The following MTCL2 variants were observed in gnomAD, a reference collection of about 807,000 sequenced individuals.
MTCL2 encodes the protein microtubule crosslinking factor 2.
chr20:36,815,315 G>A, the MTCL2 span: 53 of 1,613,786 alleles, frequency 3.3e-5, no homozygotes, highest in Non-Finnish European at 4.1e-5. The surrounding 1 kb of genome is among the most constrained non-coding windows in gnomAD (Gnocchi z 5.3). Flanking sequence ...TGGCATGGAT[G>A]AGCTTGGTGT....
chr20:36,839,193 A>G, the MTCL2 span: 3 of 1,574,310 alleles, frequency 1.9e-6, no homozygotes, highest in Non-Finnish European at 2.6e-6. The surrounding 1 kb of genome is among the most constrained non-coding windows in gnomAD (Gnocchi z 5.1). Context: ...TCCCAGCAAC[A>G]AGGGCACCCG....
chr20:36,846,116 G>T, the MTCL2 span, among the ~76,000 whole-genome samples: 2 of 151,828 alleles, frequency 1.3e-5, no homozygotes, highest in South Asian at 4.1e-4. Context: ...TGAGGCAAGA[G>T]AATTGCTTGA....
At chr20:36,815,784 A>G in the MTCL2 span, 1 of 1,591,792 alleles carries the variant, frequency 6.3e-7, no homozygotes, top group Middle Eastern at 1.7e-4. This position sits in a 1 kb window ranked among gnomAD's most constrained non-coding sequence, Gnocchi z 5.3. Context: ...CGCCACGTCC[A>G]GCTCGTGCTC....
the MTCL2 span, among the ~76,000 whole-genome samples, chr20:36,840,739 G>A: frequency 1.4e-4 from 22 of 151,790 alleles, no homozygotes; most frequent in Non-Finnish European, 2.2e-4. Flanking sequence ...CCAGCTACTC[G>A]GGAGGCTGAG....
At chr20:36,857,880 G>A in the MTCL2 span, among the ~76,000 whole-genome samples, 1 of 152,286 alleles carries the variant, frequency 6.6e-6, no homozygotes, top group East Asian at 1.9e-4. Context: ...CACTCCATCT[G>A]CGTCCTCACA....
the MTCL2 span, among the ~76,000 whole-genome samples, chr20:36,852,582 T>C: frequency 6.6e-6 from 1 of 151,978 alleles, no homozygotes; most frequent in Non-Finnish European, 1.5e-5. Flanking sequence ...AAAGACTCAA[T>C]CCCTTCATAC....
the MTCL2 span, among the ~76,000 whole-genome samples, chr20:36,816,977 A>T: frequency 1.3e-5 from 2 of 152,102 alleles, no homozygotes; most frequent in Non-Finnish European, 2.9e-5. Flanking sequence ...TAAGAAAATG[A>T]GCAAGGGGGC....
At chr20:36,805,951 T>C in the MTCL2 span, 10 of 1,596,724 alleles carry the variant, frequency 6.3e-6, no homozygotes, top group South Asian at 9.1e-5. Context: ...TCCTTCATGC[T>C]GTTCACCTGT....
the MTCL2 span, among the ~76,000 whole-genome samples, chr20:36,824,864 G>A: frequency 1.3e-5 from 2 of 151,862 alleles, no homozygotes; most frequent in Non-Finnish European, 2.9e-5. Context: ...ATATTGCCCA[G>A]GCTGGTCTCA....
the MTCL2 span, among the ~76,000 whole-genome samples, chr20:36,825,232 T>C: frequency 6.6e-6 from 1 of 152,208 alleles, no homozygotes; most frequent in Non-Finnish European, 1.5e-5. Context: ...TGTGAGCCAC[T>C]GTGCCCAGCC....
chr20:36,801,237 G>A, the MTCL2 span, among the ~76,000 whole-genome samples: 6 of 152,080 alleles, frequency 3.9e-5, no homozygotes, highest in East Asian at 9.7e-4. Flanking sequence ...TGAAAAACTG[G>A]AAACAATCTA....
chr20:36,819,935 C>A, the MTCL2 span, among the ~76,000 whole-genome samples: 2 of 152,100 alleles, frequency 1.3e-5, no homozygotes, highest in Admixed American at 1.3e-4. Context: ...GGCTATGGGT[C>A]AGAAAACGAG....
the MTCL2 span, among the ~76,000 whole-genome samples, chr20:36,846,837 T>C: frequency 2.0e-5 from 3 of 152,126 alleles, no homozygotes; most frequent in Non-Finnish European, 4.4e-5. Context: ...TGAAACCCCA[T>C]CTCTACAAAA....
the MTCL2 span, among the ~76,000 whole-genome samples, chr20:36,843,870 A>C: frequency 1.3e-5 from 2 of 152,224 alleles, no homozygotes; most frequent in Non-Finnish European, 2.9e-5. Context: ...CTTACACAAG[A>C]TCACACCCAG....
the MTCL2 span, among the ~76,000 whole-genome samples, chr20:36,831,286 A>C: frequency 6.6e-6 from 1 of 152,258 alleles, no homozygotes; most frequent in African/African-American, 2.4e-5. Flanking sequence ...ACTGGAGCTC[A>C]GAGCAGAAGT....
At chr20:36,791,884 G>A in the MTCL2 span, among the ~76,000 whole-genome samples, 1 of 152,358 alleles carries the variant, frequency 6.6e-6, no homozygotes, top group South Asian at 2.1e-4. Flanking sequence ...TATAAAACAT[G>A]CCATCCTTCA....
chr20:36,851,278 A>G, the MTCL2 span, among the ~76,000 whole-genome samples: 1 of 152,208 alleles, frequency 6.6e-6, no homozygotes, highest in Non-Finnish European at 1.5e-5. Flanking sequence ...TTGTATATAT[A>G]TACCCAGTAC....
chr20:36,853,699 A>AGG, the MTCL2 span, among the ~76,000 whole-genome samples: 2 of 121,124 alleles, frequency 1.7e-5, no homozygotes, highest in Non-Finnish European at 1.7e-5. Context: ...TCTATCAGGG[A>AGG]GGGGTGTGTG....
chr20:36,820,288 G>T, the MTCL2 span, among the ~76,000 whole-genome samples: 1 of 152,208 alleles, frequency 6.6e-6, no homozygotes, highest in African/African-American at 2.4e-5. Context: ...GAAGTGAAGT[G>T]ACAGAGAGGA....
Sources: allele counts gnomAD v4.1 joint callset (sites outside exome capture counted in the v4.1 genomes callset), GRCh38; gene constraint gnomAD v4.1.1; non-coding constraint Gnocchi (gnomAD v3.1); transcripts MANE v1.5; gene names NCBI Gene and HGNC (gene_info 2026-07-23, HGNC 2026-07-21).